PCSK4: variants seen among roughly 807,000 people sequenced by gnomAD.
The protein encoded by PCSK4 is proprotein convertase subtilisin/kexin type 4.
Under a neutral mutation model 80.3 loss-of-function variants are expected in PCSK4, and 64 were observed. The ratio of observed to expected loss-of-function variants is 0.80; its 90% CI spans 0.65 to 0.98. The LOEUF is 0.98. PCSK4 is among the 50% of genes least tolerant of loss of function. The probability of loss-of-function intolerance (pLI) is 0.00; values close to 1 mark genes in which losing one functional copy is unlikely to be tolerated. For synonymous variants in PCSK4, 561 were observed against 487.6 expected (o/e 1.15, Z -1.98); for missense variants, 1,213 against 1,093.6 (o/e 1.11, Z -1.54).
At position 1,487,588 on chromosome 19, in the gene PCSK4, G is replaced by A. The variant is rs1298732578; in HGVS notation, c.682+15C>T. 4 of 1,545,880 alleles carry A rather than the reference G, an allele frequency of 2.6e-6. No homozygotes were observed. The highest frequency in any genetic ancestry group is 2.7e-5 in the African/African-American group (2 of 73,006). ...TCTCTGTCCCGGAATGGTGCCGCTG[G>A]GGGACCCCGGGTACCTCCGATTCGG... On this transcript the variant is annotated intron_variant, in intron 6 of 14. Coordinates refer to ENST00000300954, the Ensembl canonical transcript of PCSK4.
At chr19:1,490,065 G>C in intron 1 of PCSK4, 93 bp downstream of exon 1, 3 of 1,539,116 alleles carry the variant, frequency 1.9e-6, no homozygotes, top group Non-Finnish European at 2.6e-6. Context: ...TTGATATTTA[G>C]AAGACCTTGT....
chr19:1,483,002 A>G (rs1439040294), exon 13 of PCSK4: 1 of 1,010,752 alleles, frequency 9.9e-7, no homozygotes, highest in Admixed American at 2.1e-5. Context: ...TGTAGCCTTC[A>G]GTGCTGACGT....
chr19:1,487,950 ACCCG>A lies in PCSK4; in HGVS notation c.516+10_516+13del. On this transcript the variant is annotated intron_variant, in intron 4 of 14. Coordinates refer to ENST00000300954, the Ensembl canonical transcript of PCSK4. ...CCTGGGGCAGCCCTCGCCCACAGCCACCCGCGGTCTCACGTAGTTGGCCCAGAGG... is the reference window on the plus strand; with the variant it reads ...CCTGGGGCAGCCCTCGCCCACAGCCACGGTCTCACGTAGTTGGCCCAGAGG... 1.2e-6 allele frequency: 2 copies of A among 1,602,156 alleles called. No homozygotes were observed. Among genetic ancestry groups the A allele is most frequent in the African/African-American group, 2.7e-5 (2 of 74,736 alleles).
chr19:1,487,344 A>G lies in PCSK4; in HGVS notation c.683-31T>C, dbSNP rs754639630. Reference sequence around the variant, plus strand: ...GAGCCAGGGCGGGAGGGCCGCTGCCACCGGCCCTGCCCTTCCCCACACCCC... The same window carrying G: ...GAGCCAGGGCGGGAGGGCCGCTGCCGCCGGCCCTGCCCTTCCCCACACCCC... On this transcript the variant is annotated intron_variant, in intron 6 of 14. Transcript: ENST00000300954. 3.3e-6 allele frequency: 5 copies of G among 1,533,058 alleles called. No individual in the cohort carries two copies. The South Asian group carries it at 3.5e-5, about 11-fold the overall frequency. The allele number at this position is 1,533,058 out of a possible 1,614,324, so 95.0% of individuals were successfully genotyped here.
At chr19:1,484,044 G>A (rs1293600261) in exon 9 of PCSK4, 2 of 1,552,800 alleles carry the variant, frequency 1.3e-6, no homozygotes, top group East Asian at 2.4e-5. Flanking sequence ...CCAGCGCTAG[G>A]GCGATCATGC....
In PCSK4 at chr19:1,481,902, C is replaced by T. The variant is rs750732130; in HGVS notation, c.2125G>A (p.Ala709Thr). The T allele has an allele frequency of 2.9e-5, 46 of 1,594,936 alleles. No homozygotes were observed. The East Asian group carries it at 1.0e-3, about 35-fold the overall frequency. The change falls in exon 15 of 15, where the codon GCC becomes ACC. Residue 709 changes from alanine to threonine, a missense_variant. Coordinates refer to ENST00000300954, the Ensembl canonical transcript of PCSK4. ...ACGGCCAGGAGGCTCAGCACCATGG[C>T]CGAGGCTGGGCAGCGGTGGTGGGGA...
At chr19:1,483,329 G>A (rs765399954) in exon 12 of PCSK4, 5 of 1,609,426 alleles carry the variant, frequency 3.1e-6, no homozygotes, top group African/African-American at 1.3e-5. Context: ...GCTGGTGAGC[G>A]AGATCTCCAG....
chr19:1,484,819 A>G (rs2084520765), intron 8 of PCSK4, among the ~76,000 whole-genome samples: 2 of 152,010 alleles, frequency 1.3e-5, no homozygotes. Flanking sequence ...TCTCAAAAAA[A>G]TAAAAAAATA....
intron 2 of PCSK4, 83 bp from the exon 3 acceptor site, chr19:1,488,363 C>A: frequency 1.0e-6 from 1 of 985,524 alleles, no homozygotes. Context: ...CAGCCCCGTG[C>A]CCTGGGACCC....
intron 8 of PCSK4, among the ~76,000 whole-genome samples, chr19:1,486,586 G>A (rs1176857508): frequency 2.0e-5 from 3 of 151,902 alleles, no homozygotes; most frequent in East Asian, 3.9e-4. Context: ...GTCAGCCACC[G>A]TGCCTGGCCT....
chr19:1,482,908 A>G (rs1053898651), exon 13 of PCSK4: 2 of 1,613,156 alleles, frequency 1.2e-6, no homozygotes, highest in South Asian at 2.2e-5. Flanking sequence ...GTGTTGAAAT[A>G]GTAGCCCTTG....
Position 1,483,693 on chromosome 19 carries a change from G to A in PCSK4, c.1348C>T (p.Gln450Ter), listed in dbSNP as rs1454048034. 2 of 1,596,742 alleles carry A rather than the reference G, an allele frequency of 1.3e-6. No individual in the cohort carries two copies. Among genetic ancestry groups the A allele is most frequent in the Non-Finnish European group, 8.5e-7 (1 of 1,178,214 alleles). ...CGGACGGCGCACTTCCTCTGCGGCT[G>A]GGTGGGCAGCCAGGTGCGGGCGGTG... is the stretch of plus-strand genomic sequence containing the variant. Residue 450 changes from glutamine (Q) to a stop codon, truncating the protein, a stop_gained, in exon 11 of 15, where the codon CAG (glutamine) becomes TAG (stop). Coordinates refer to ENST00000300954, the Ensembl canonical transcript of PCSK4. LOFTEE classifies it high-confidence loss of function.
exon 9 of PCSK4, chr19:1,484,056 G>T (rs371505034): frequency 1.3e-6 from 2 of 1,559,170 alleles, no homozygotes; most frequent in East Asian, 2.4e-5. Flanking sequence ...CGATCATGCC[G>T]GCCGCCAGTG....
rs747275969 is a variant in PCSK4, at chr19:1,486,795, G to C, written c.1068+58C>G. ...AGTCACAGTGGTGGGGACAGGAGGA[G>C]GCCAGGCTGGGATGGCAGGGCCTGG... On this transcript the variant is annotated intron_variant, in intron 8 of 14. Transcript: ENST00000300954. 3 of 1,405,916 alleles carry C rather than the reference G, an allele frequency of 2.1e-6. No individual in the cohort carries two copies. The East Asian group carries it at 7.1e-5, about 33-fold the overall frequency. The allele number at this position is 1,405,916 out of a possible 1,614,324, so 87.1% of individuals were successfully genotyped here. A position where few individuals can be genotyped will look rare whatever the true frequency, so the allele number is the denominator to read the frequency against.
exon 14 of PCSK4, chr19:1,482,363 C>A: frequency 6.5e-7 from 1 of 1,542,746 alleles, no homozygotes; most frequent in Non-Finnish European, 8.7e-7. Flanking sequence ...CCTGGCACAG[C>A]CCCTCTGTGT....
At chr19:1,483,609 AC>A in intron 11 of PCSK4, 40 bp downstream of exon 11, 1 of 1,489,746 alleles carries the variant, frequency 6.7e-7, no homozygotes. Context: ...TGTCCCCCAC[AC>A]CCCCAGCGGG....
At chr19:1,482,842 G>C in intron 13 of PCSK4, 54 bp downstream of exon 13, 3 of 1,586,362 alleles carry the variant, frequency 1.9e-6, no homozygotes, top group African/African-American at 1.3e-5. Context: ...CAGAGCCCCT[G>C]GGGGGAGGTT....
chr19:1,489,787 G>C lies in PCSK4; in HGVS notation c.294+6C>G. The C allele has an allele frequency of 6.2e-7, 1 of 1,607,600 alleles. No individual in the cohort carries two copies. Among genetic ancestry groups the C allele is most frequent in the Non-Finnish European group, 8.5e-7 (1 of 1,176,896 alleles). On this transcript the variant is annotated splice_donor_region_variant and intron_variant, in intron 2 of 14. Coordinates refer to ENST00000300954, the Ensembl canonical transcript of PCSK4. ...GGCAGGGGGTTGGCCTCCAGGCCAG[G>C]CTCACCTTGGGGTTTTTCTTCAGGT...
At chr19:1,490,161 C>A (rs1191957310) in exon 1 of PCSK4, 1 of 1,613,556 alleles carries the variant, frequency 6.2e-7, no homozygotes, top group Admixed American at 1.7e-5. Flanking sequence ...CACCCACCGG[C>A]CCCAGGTTGA....
Sources: gnomAD v4.1 joint callset for allele counts (sites outside exome capture counted in the v4.1 genomes callset) on GRCh38, gnomAD v4.1.1 for gene constraint, MANE v1.5 for transcripts, NCBI Gene and HGNC (gene_info 2026-07-23, HGNC 2026-07-21) for gene names.